The following GAB2 variants were observed in gnomAD, a reference collection of about 807,000 sequenced individuals.
GAB2 encodes the protein GRB2 associated binding protein 2, also known as GRB2-associated-binding protein 2.
In GAB2, 26 loss-of-function variants were observed where a neutral mutation model predicts 65.5. The ratio of observed to expected loss-of-function variants is 0.40; its 90% CI spans 0.29 to 0.55. GAB2 has a LOEUF of 0.55. Ranked by LOEUF, GAB2 falls within the 20% of genes least tolerant of loss-of-function variation. GAB2 has a pLI of 0.53. For synonymous variants in GAB2, 321 were observed against 329.6 expected (o/e 0.97, Z 0.28); for missense variants, 884 against 875.8 (o/e 1.01, Z -0.12).
intron 1 of GAB2, among the ~76,000 whole-genome samples, chr11:78,283,273 T>C (rs1866379372): frequency 6.6e-6 from 1 of 152,200 alleles, no homozygotes; most frequent in Non-Finnish European, 1.5e-5. Context: ...GTGAGCTCTG[T>C]TACTAGGGAG....
intron 1 of GAB2, among the ~76,000 whole-genome samples, chr11:78,367,911 G>C (rs529830492): frequency 2.6e-4 from 39 of 149,394 alleles, no homozygotes; most frequent in African/African-American, 8.7e-4. Context: ...CCGCCTCCCG[G>C]ATTCACGCCA....
At chr11:78,407,807 A>G (rs55758833) in intron 1 of GAB2, among the ~76,000 whole-genome samples, 2 of 152,070 alleles carry the variant, frequency 1.3e-5, no homozygotes. Flanking sequence ...AAAGAAAAAG[A>G]GGGCATTTTA....
intron 1 of GAB2, among the ~76,000 whole-genome samples, chr11:78,393,214 G>C (rs1402236059): frequency 2.0e-5 from 3 of 152,144 alleles, no homozygotes; most frequent in Non-Finnish European, 2.9e-5. Context: ...TCTCAAAAGG[G>C]AGCTGCTGAG....
chr11:78,251,895 C>A (rs1865465315), intron 2 of GAB2, among the ~76,000 whole-genome samples: 1 of 152,212 alleles, frequency 6.6e-6, no homozygotes, highest in African/African-American at 2.4e-5. Flanking sequence ...AGGCAAGGTA[C>A]ATAGCAGATT....
chr11:78,335,069 T>C (rs1855975812), intron 1 of GAB2, among the ~76,000 whole-genome samples: 1 of 152,254 alleles, frequency 6.6e-6, no homozygotes, highest in African/African-American at 2.4e-5. Context: ...TTCAAATCTT[T>C]GGCCCATTTA....
At chr11:78,402,551 G>A (rs1375309757) in intron 1 of GAB2, among the ~76,000 whole-genome samples, 5 of 145,270 alleles carry the variant, frequency 3.4e-5, no homozygotes, top group African/African-American at 5.2e-5. Flanking sequence ...GGCCTCAGCC[G>A]CACCCCCCCA....
intron 1 of GAB2, among the ~76,000 whole-genome samples, chr11:78,290,087 G>A (rs1008000858): frequency 2.6e-5 from 4 of 152,008 alleles, no homozygotes; most frequent in Non-Finnish European, 5.9e-5. Flanking sequence ...ATCTGGCAAA[G>A]TGCGGGAGAC....
At chr11:78,261,099 C>G (rs947523574) in intron 2 of GAB2, among the ~76,000 whole-genome samples, 6 of 151,882 alleles carry the variant, frequency 4.0e-5, no homozygotes, top group African/African-American at 9.7e-5. Flanking sequence ...ATATGTATGT[C>G]TGAGATATAT....
intron 1 of GAB2, among the ~76,000 whole-genome samples, chr11:78,333,307 T>G (rs1283636765): frequency 6.6e-6 from 1 of 152,182 alleles, no homozygotes; most frequent in East Asian, 1.9e-4. Context: ...GCTCTGTCAC[T>G]CAGGCTGGAG....
chr11:78,278,208 T>G (rs1050921994), intron 2 of GAB2, among the ~76,000 whole-genome samples: 2 of 151,954 alleles, frequency 1.3e-5, no homozygotes, highest in Admixed American at 1.3e-4. Context: ...TAGCTGGGAT[T>G]ACAGGCGCCC....
At chr11:78,348,728 T>C (rs1856228912) in intron 1 of GAB2, among the ~76,000 whole-genome samples, 1 of 152,222 alleles carries the variant, frequency 6.6e-6, no homozygotes, top group African/African-American at 2.4e-5. Flanking sequence ...TGGGTATACC[T>C]GGGAGAAATG....
chr11:78,296,987 A>G (rs1421145265), intron 1 of GAB2, among the ~76,000 whole-genome samples: 5 of 152,156 alleles, frequency 3.3e-5, no homozygotes, highest in African/African-American at 1.2e-4. Context: ...CAGCCCACCT[A>G]ATCACCTCCC....
In GAB2 at chr11:78,250,161, C is replaced by A; in HGVS notation, c.616G>T (p.Ala206Ser). 1 of 1,612,700 alleles carries A rather than the reference C, an allele frequency of 6.2e-7. No homozygotes were observed. The highest frequency in any genetic ancestry group is 8.5e-7 in the Non-Finnish European group (1 of 1,179,904). ...ATGGCTGTGGCAGCCTCCTACCTTG[C>A]ATTTTCTGCTCTTCGGCTTATGCAC... is the stretch of plus-strand genomic sequence containing the variant. ...HQCISRRAENARSASFSQGTR... is the reference protein window; with the variant it reads ...HQCISRRAENSRSASFSQGTR... Residue 206 changes from alanine to serine, a missense_variant, in exon 3 of 10, where the codon GCA becomes TCA. Ala to Ser is a moderately conservative substitution (Grantham distance 99). Coordinates refer to ENST00000361507, the MANE Select transcript of GAB2 (RefSeq NM_080491.3).
At chr11:78,262,048 T>C (rs999596982) in intron 2 of GAB2, among the ~76,000 whole-genome samples, 6 of 152,212 alleles carry the variant, frequency 3.9e-5, no homozygotes, top group Admixed American at 1.3e-4. Context: ...GTCAGACTTA[T>C]CAGTTGTGGA....
At chr11:78,395,194 C>T (rs749200995) in intron 1 of GAB2, among the ~76,000 whole-genome samples, 1 of 152,274 alleles carries the variant, frequency 6.6e-6, no homozygotes, top group Non-Finnish European at 1.5e-5. Context: ...CGGCTCACGC[C>T]TGTAATCCCA....
chr11:78,347,278 G>A (rs1856207485), intron 1 of GAB2, among the ~76,000 whole-genome samples: 1 of 152,114 alleles, frequency 6.6e-6, no homozygotes, highest in Non-Finnish European at 1.5e-5. Context: ...TCATAAGGTT[G>A]GGTTTGGAGA....
chr11:78,392,919 C>A (rs972771439), intron 1 of GAB2, among the ~76,000 whole-genome samples: 2 of 152,202 alleles, frequency 1.3e-5, no homozygotes, highest in African/African-American at 4.8e-5. Flanking sequence ...CAACACTTTC[C>A]ACCGTCTTAT....
chr11:78,296,098 A>G (rs374146271), intron 1 of GAB2, among the ~76,000 whole-genome samples: 1 of 152,184 alleles, frequency 6.6e-6, no homozygotes, highest in South Asian at 2.1e-4. Context: ...AGTTCACAAT[A>G]GAGTTTACTC....
At chr11:78,274,834 T>C (rs1866122885) in intron 2 of GAB2, among the ~76,000 whole-genome samples, 2 of 152,168 alleles carry the variant, frequency 1.3e-5, no homozygotes, top group Non-Finnish European at 2.9e-5. Flanking sequence ...TATCCAGGCC[T>C]GTTTCTGGCA....
Sources: allele counts gnomAD v4.1 joint callset (sites outside exome capture counted in the v4.1 genomes callset), GRCh38; gene constraint gnomAD v4.1.1; transcripts MANE v1.5; gene names NCBI Gene and HGNC (gene_info 2026-07-23, HGNC 2026-07-21).